The following ZMAT4 variants were observed in gnomAD, a reference collection of about 807,000 sequenced individuals.
ZMAT4 encodes zinc finger matrin-type 4.
In ZMAT4, 17 loss-of-function variants were observed where a neutral mutation model predicts 28.7. The observed-to-expected ratio is 0.59, with a 90% CI of 0.41 to 0.89. The LOEUF (loss-of-function observed/expected upper bound fraction) is 0.89. Ranked by LOEUF, ZMAT4 falls within the 40% of genes least tolerant of loss-of-function variation. The probability of loss-of-function intolerance (pLI) is 0.00; values close to 1 mark genes in which losing one functional copy is unlikely to be tolerated. For synonymous variants in ZMAT4, 117 were observed against 109.2 expected (o/e 1.07, Z -0.44); for missense variants, 240 against 283.8 (o/e 0.85, Z 1.11).
Position 40,881,499 on chromosome 8 carries a change from GAGGA to G in ZMAT4, c.-5+16180_-5+16183del, listed in dbSNP as rs58112812. ...AGAAAGAAAGAAAGAAAGAAAGAAA[GAGGA>G]AGGAAGGAAGGGGAGAGAGAGAGAC... On this transcript the variant is annotated intron_variant, in intron 1 of 6. Transcript: ENST00000297737. 6.9e-5 allele frequency among the ~76,000 whole-genome samples: 9 copies of G among 129,628 alleles called. No homozygotes were observed. In the South Asian group the frequency reaches 1.9e-3, roughly 27 times the overall value. The allele number at this position is 129,628 out of a possible 152,430, so 85.0% of individuals were successfully genotyped here.
At chr8:40,763,828 T>C (rs1435112517) in intron 3 of ZMAT4, among the ~76,000 whole-genome samples, 1 of 152,172 alleles carries the variant, frequency 6.6e-6, no homozygotes, top group African/African-American at 2.4e-5. Context: ...AGCATGTATA[T>C]TAAGAGTAGT....
chr8:40,560,432 A>G (rs1404693968), intron 6 of ZMAT4, among the ~76,000 whole-genome samples: 1 of 151,998 alleles, frequency 6.6e-6, no homozygotes, highest in Admixed American at 6.6e-5. Flanking sequence ...CCTCAAAGTA[A>G]TCTCAGAATG....
At chr8:40,575,356 C>G (rs919499) in intron 6 of ZMAT4, among the ~76,000 whole-genome samples, 16,969 of 152,104 alleles carry the variant, frequency 0.11, 1,219 homozygotes, top group Admixed American at 0.2. Flanking sequence ...CCACCAAACC[C>G]CTATGCCTTG....
intron 5 of ZMAT4, among the ~76,000 whole-genome samples, chr8:40,616,756 G>A (rs891547830): frequency 6.6e-6 from 1 of 151,954 alleles, no homozygotes; most frequent in African/African-American, 2.4e-5. Flanking sequence ...GGAGGGAGGA[G>A]GGATAGCATT....
intron 1 of ZMAT4, among the ~76,000 whole-genome samples, chr8:40,837,502 G>T (rs1816539027): frequency 6.6e-6 from 1 of 152,190 alleles, no homozygotes; most frequent in Non-Finnish European, 1.5e-5. Context: ...CACTTGGCAT[G>T]GCTGGGGAAA....
At chr8:40,717,954 A>T (rs1485848741) in intron 3 of ZMAT4, among the ~76,000 whole-genome samples, 1 of 152,166 alleles carries the variant, frequency 6.6e-6, no homozygotes. Context: ...TGATACATTC[A>T]TCAAAACTGA....
At chr8:40,705,987 G>A (rs749798141) in intron 3 of ZMAT4, among the ~76,000 whole-genome samples, 30 of 152,138 alleles carry the variant, frequency 2.0e-4, no homozygotes, top group Non-Finnish European at 3.8e-4. Flanking sequence ...GCACTTTTGA[G>A]TGAGTGGCTA....
chr8:40,779,577 A>T (rs117070262), intron 2 of ZMAT4, among the ~76,000 whole-genome samples: 2,694 of 152,270 alleles, frequency 0.018, 47 homozygotes, highest in Non-Finnish European at 0.026. Context: ...TGATCCTTGG[A>T]TCACCTATTC....
At chr8:40,860,688 G>C (rs1359226781) in intron 1 of ZMAT4, among the ~76,000 whole-genome samples, 2 of 152,188 alleles carry the variant, frequency 1.3e-5, no homozygotes, top group Admixed American at 1.3e-4. Flanking sequence ...CACTTGACTG[G>C]GAAGAGCTTC....
At position 40,888,107 on chromosome 8, in the gene ZMAT4, C is replaced by T. The variant is rs1488302731; in HGVS notation, c.-5+9576G>A. Among the ~76,000 whole-genome samples, 3 of 152,206 alleles carry T rather than the reference C, an allele frequency of 2.0e-5. No individual in the cohort carries two copies. The East Asian group carries it at 5.8e-4, about 29-fold the overall frequency. ...CTACACTCTACCTCAGCTGAATACA[C>T]CCTTGGACCCAAAGTCATCTCTTAC... On this transcript the variant is annotated intron_variant, in intron 1 of 6. Transcript: ENST00000297737.
chr8:40,781,544 C>T (rs1255824725), intron 2 of ZMAT4, among the ~76,000 whole-genome samples: 1 of 151,536 alleles, frequency 6.6e-6, no homozygotes, highest in African/African-American at 2.4e-5. Context: ...GGGCGGATCA[C>T]GAGGTCAGGA....
At chr8:40,805,539 C>T (rs1192282198) in intron 2 of ZMAT4, among the ~76,000 whole-genome samples, 1 of 127,900 alleles carries the variant, frequency 7.8e-6, no homozygotes, top group Admixed American at 7.9e-5. Flanking sequence ...GGAACCAACC[C>T]AAATGTCCAA....
chr8:40,753,320 T>C (rs769591526), intron 3 of ZMAT4, among the ~76,000 whole-genome samples: 2 of 152,108 alleles, frequency 1.3e-5, no homozygotes, highest in Non-Finnish European at 2.9e-5. Context: ...TTACTCTACC[T>C]GGAATTATCA....
chr8:40,694,391 G>A (rs886368702), intron 4 of ZMAT4, among the ~76,000 whole-genome samples: 2 of 152,080 alleles, frequency 1.3e-5, no homozygotes, highest in South Asian at 2.1e-4. Flanking sequence ...TGTTTTCTAC[G>A]CGTGGTCTCC....
chr8:40,893,934 A>G (rs1818782139), intron 1 of ZMAT4, among the ~76,000 whole-genome samples: 1 of 152,200 alleles, frequency 6.6e-6, no homozygotes, highest in Non-Finnish European at 1.5e-5. Flanking sequence ...ATTTCCTTTA[A>G]GAATGTAAAT....
chr8:40,853,608 C>G (rs913181906), intron 1 of ZMAT4, among the ~76,000 whole-genome samples: 1 of 152,022 alleles, frequency 6.6e-6, no homozygotes, highest in Non-Finnish European at 1.5e-5. Flanking sequence ...CAAGGACATT[C>G]CTAAGTAAAA....
chr8:40,672,563 A>G (rs1170074190), intron 5 of ZMAT4, among the ~76,000 whole-genome samples: 1 of 152,208 alleles, frequency 6.6e-6, no homozygotes, highest in African/African-American at 2.4e-5. Flanking sequence ...CAAGCTGCTC[A>G]AATGTTACAG....
chr8:40,638,851 G>T (rs187287863), intron 5 of ZMAT4, among the ~76,000 whole-genome samples: 2 of 152,294 alleles, frequency 1.3e-5, no homozygotes, highest in Non-Finnish European at 2.9e-5. Context: ...GAATAAAAAA[G>T]GATAATGAAG....
At chr8:40,791,663 C>T (rs929733350) in intron 2 of ZMAT4, among the ~76,000 whole-genome samples, 9 of 152,200 alleles carry the variant, frequency 5.9e-5, no homozygotes, top group African/African-American at 2.2e-4. Flanking sequence ...ACTGCTAGAT[C>T]TCCAGAACTC....
Sources: allele counts gnomAD v4.1 joint callset (sites outside exome capture counted in the v4.1 genomes callset), GRCh38; gene constraint gnomAD v4.1.1; transcripts MANE v1.5; gene names NCBI Gene and HGNC (gene_info 2026-07-23, HGNC 2026-07-21).